CHST8: variants seen among roughly 807,000 people sequenced by gnomAD.
CHST8 encodes the protein GALNAC-4-ST1.
CHST8 carries 10 observed loss-of-function variants against 15.0 expected under a neutral mutation model. That is an observed-to-expected ratio of 0.67 (90% CI 0.41 to 1.13). The LOEUF (loss-of-function observed/expected upper bound fraction) is 1.13. Among genes scored for constraint, CHST8 ranks in the 50% most tolerant of loss-of-function variants. The pLI, the probability that CHST8 is intolerant of heterozygous loss-of-function variation, is 0.00. For missense variants in CHST8, 634 were observed against 608.2 expected, an observed-to-expected ratio of 1.04 and a Z score of -0.45; for synonymous variants, 259 against 256.6, an observed-to-expected ratio of 1.01 and a Z score of -0.09.
intron 3 of CHST8, among the ~76,000 whole-genome samples, chr19:33,703,952 C>T (rs1408626342): frequency 6.6e-6 from 1 of 152,230 alleles, no homozygotes; most frequent in African/African-American, 2.4e-5. Flanking sequence ...ACAGCGCAGG[C>T]TCCTAGTGGG....
intron 3 of CHST8, among the ~76,000 whole-genome samples, chr19:33,724,875 G>C (rs564658685): frequency 1.3e-5 from 2 of 152,156 alleles, no homozygotes; most frequent in East Asian, 1.9e-4. Context: ...GGCCCAGAGT[G>C]GGGGGCCACA....
intron 3 of CHST8, among the ~76,000 whole-genome samples, chr19:33,736,747 T>C (rs959175733): frequency 3.3e-5 from 5 of 152,128 alleles, no homozygotes; most frequent in African/African-American, 1.2e-4. Context: ...CCCTACCCCA[T>C]ACTGCAGACG....
At chr19:33,692,575 A>G (rs1279734186) in intron 3 of CHST8, among the ~76,000 whole-genome samples, 2 of 152,132 alleles carry the variant, frequency 1.3e-5, no homozygotes, top group Admixed American at 6.5e-5. Context: ...AGCGGTACAC[A>G]CCTGTAGTCT....
At chr19:33,654,880 T>C (rs935671894) in intron 1 of CHST8, among the ~76,000 whole-genome samples, 3 of 152,158 alleles carry the variant, frequency 2.0e-5, no homozygotes, top group Non-Finnish European at 4.4e-5. Context: ...TGTTCAGGAC[T>C]TCTGGGGCAC....
At chr19:33,691,825 G>A (rs779143160) in intron 3 of CHST8, among the ~76,000 whole-genome samples, 11 of 152,238 alleles carry the variant, frequency 7.2e-5, no homozygotes, top group Non-Finnish European at 1.3e-4. Flanking sequence ...ACAGGCAGGT[G>A]TTGGGGTGGA....
At chr19:33,739,356 G>T (rs1187522219) in intron 3 of CHST8, among the ~76,000 whole-genome samples, 1 of 152,148 alleles carries the variant, frequency 6.6e-6, no homozygotes, top group Non-Finnish European at 1.5e-5. Flanking sequence ...AGTCGTGGAA[G>T]CCATAAGCCA....
chr19:33,676,863 C>T (rs914902334), intron 2 of CHST8, among the ~76,000 whole-genome samples: 2 of 149,676 alleles, frequency 1.3e-5, no homozygotes, highest in Non-Finnish European at 1.5e-5. Flanking sequence ...GGTGACAGAG[C>T]GAGACCCAGA....
intron 3 of CHST8, among the ~76,000 whole-genome samples, chr19:33,735,031 A>G (rs1316458559): frequency 6.6e-6 from 1 of 152,224 alleles, no homozygotes; most frequent in African/African-American, 2.4e-5. Flanking sequence ...CCAGGCAAGA[A>G]GGAGGCTTTA....
intron 1 of CHST8, among the ~76,000 whole-genome samples, chr19:33,644,191 C>G (rs1289252336): frequency 6.6e-6 from 1 of 152,158 alleles, no homozygotes; most frequent in Non-Finnish European, 1.5e-5. Context: ...CCTCAGCCTC[C>G]CAAAGTGCTG....
chr19:33,644,626 A>G (rs1972327073), intron 1 of CHST8, among the ~76,000 whole-genome samples: 1 of 152,176 alleles, frequency 6.6e-6, no homozygotes, highest in Non-Finnish European at 1.5e-5. Context: ...TTGTAGTCCC[A>G]GCAACTTGAG....
intron 3 of CHST8, among the ~76,000 whole-genome samples, chr19:33,766,471 T>G (rs550752016): frequency 3.3e-5 from 5 of 152,248 alleles, no homozygotes; most frequent in African/African-American, 1.2e-4. Flanking sequence ...TGAGGTCAGG[T>G]GCGTGACCAG....
At chr19:33,769,207 G>T (rs935821989) in intron 3 of CHST8, among the ~76,000 whole-genome samples, 2 of 152,242 alleles carry the variant, frequency 1.3e-5, no homozygotes, top group Non-Finnish European at 2.9e-5. Context: ...GGCCTCAGGG[G>T]CTGCAACCTC....
At chr19:33,647,064 G>A (rs1396806991) in intron 1 of CHST8, among the ~76,000 whole-genome samples, 4 of 152,308 alleles carry the variant, frequency 2.6e-5, no homozygotes, top group African/African-American at 9.6e-5. Context: ...TCTCGCAGTC[G>A]TATTACAAAG....
At chr19:33,754,695 C>T (rs1974510963) in intron 3 of CHST8, among the ~76,000 whole-genome samples, 1 of 152,242 alleles carries the variant, frequency 6.6e-6, no homozygotes, top group Admixed American at 6.5e-5. Flanking sequence ...CTCACAGGGA[C>T]AACTGTCCCA....
At chr19:33,665,041 C>A (rs183780680) in intron 1 of CHST8, among the ~76,000 whole-genome samples, 34 of 152,288 alleles carry the variant, frequency 2.2e-4, no homozygotes, top group African/African-American at 8.2e-4. Context: ...ACTATTGTGA[C>A]TAGTGCCGCA....
intron 3 of CHST8, among the ~76,000 whole-genome samples, chr19:33,715,166 T>C (rs1599577797): frequency 6.6e-6 from 1 of 152,348 alleles, no homozygotes; most frequent in Middle Eastern, 3.4e-3. Flanking sequence ...TCTCACCCTG[T>C]GCCCTGGTCC....
intron 1 of CHST8, among the ~76,000 whole-genome samples, chr19:33,644,280 T>G (rs1168888375): frequency 6.6e-6 from 1 of 152,176 alleles, no homozygotes; most frequent in Non-Finnish European, 1.5e-5. Context: ...CTGATCCATG[T>G]ACTCAACAAA....
At chr19:33,746,806 A>T (rs1974322269) in intron 3 of CHST8, among the ~76,000 whole-genome samples, 1 of 152,084 alleles carries the variant, frequency 6.6e-6, no homozygotes, top group African/African-American at 2.4e-5. Flanking sequence ...ATCTGGCCAG[A>T]TAACTGGTAC....
intron 1 of CHST8, among the ~76,000 whole-genome samples, chr19:33,644,087 C>A (rs1316548732): frequency 6.6e-6 from 1 of 152,106 alleles, no homozygotes; most frequent in Non-Finnish European, 1.5e-5. Flanking sequence ...CACCTGCCAC[C>A]ACACCTGGCT....
Sources: allele counts gnomAD v4.1 joint callset (sites outside exome capture counted in the v4.1 genomes callset), GRCh38; gene constraint gnomAD v4.1.1; transcripts MANE v1.5; gene names NCBI Gene and HGNC (gene_info 2026-07-23, HGNC 2026-07-21).